ALG1: variants seen among roughly 807,000 people sequenced by gnomAD.
ALG1 encodes ALG1 chitobiosyldiphosphodolichol beta-mannosyltransferase, also known as chitobiosyldiphosphodolichol beta-mannosyltransferase.
Under a neutral mutation model 55.1 loss-of-function variants are expected in ALG1, and 58 were observed. That is an observed-to-expected ratio of 1.05 (90% CI 0.85 to 1.31). ALG1 has a LOEUF of 1.31. Among genes scored for constraint, ALG1 ranks in the 50% most tolerant of loss-of-function variants. ALG1 has a pLI of 0.00. For missense variants in ALG1, 761 were observed against 598.6 expected (o/e 1.27, Z -2.83); for synonymous variants, 309 against 247.0 (o/e 1.25, Z -2.35).
In ALG1 at chr16:5,073,152, G is replaced by T. The variant is rs1304213584; in HGVS notation, c.287-1G>T. On this transcript the variant is annotated splice_acceptor_variant, in intron 2 of 12. Coordinates refer to ENST00000262374, the MANE Select transcript of ALG1 (RefSeq NM_019109.5). LOFTEE classifies it high-confidence loss of function. ...AGTCACAGGTGTTTTCTGACTTGCA[G>T]TTGGGCCCCGAGTTTTCCAGTACGG... 1.2e-6 allele frequency: 2 copies of T among 1,614,160 alleles called. No homozygotes were observed. Among genetic ancestry groups the T allele is most frequent in the Non-Finnish European group, 1.7e-6 (2 of 1,180,016 alleles).
At chr16:5,073,405 A>G (rs1472573092) in intron 3 of ALG1, 149 bp downstream of exon 3, 3 of 708,534 alleles carry the variant, frequency 4.2e-6, no homozygotes, top group South Asian at 3.1e-5. Context: ...GTATGTGTCT[A>G]TTTATGGCAC....
In ALG1 at chr16:5,074,321, A is replaced by AT. The variant is rs544217267; in HGVS notation, c.391-1059dup. ...CCACCATGCCTGGCTAATTTTTGTA[A>AT]TTTTTTTTAGTAGAGATGGGGTTTC... On this transcript the variant is annotated intron_variant, in intron 3 of 12. Coordinates refer to ENST00000262374, the MANE Select transcript of ALG1 (RefSeq NM_019109.5). Among the ~76,000 whole-genome samples, 429 of 149,758 alleles carry AT rather than the reference A, an allele frequency of 2.9e-3. 2 individuals are homozygous for AT. Among genetic ancestry groups the AT allele is most frequent in the African/African-American group, 0.01 (410 of 40,780 alleles).
In ALG1 at chr16:5,081,073, A is replaced by C; in HGVS notation, c.1072+17A>C. 1 of 1,032,574 alleles carries C rather than the reference A, an allele frequency of 9.7e-7. No homozygotes were observed. The highest frequency in any genetic ancestry group is 1.3e-5 in the South Asian group (1 of 77,974). 64.0% of individuals were successfully genotyped at this position (1,032,574 alleles called of 1,614,324 possible). ...TGCTTCTAGGTGAGAGGCCAGCAGG[A>C]GGCTCAGGGAGGAGGCGGGGGGAAC... On this transcript the variant is annotated intron_variant, in intron 10 of 12. Transcript: ENST00000262374.
intron 1 of ALG1, 55 bp from the exon 2 acceptor site, chr16:5,072,896 T>C (rs1209840537): frequency 7.9e-6 from 12 of 1,511,214 alleles, no homozygotes; most frequent in Non-Finnish European, 1.0e-5. Context: ...TGGGAGATTA[T>C]CTGACTTTAG....
chr16:5,079,151 G>A (rs1956971274), intron 8 of ALG1, 49 bp downstream of exon 8: 2 of 1,588,988 alleles, frequency 1.3e-6, no homozygotes, highest in Non-Finnish European at 1.7e-6. Flanking sequence ...GGGGGCCACT[G>A]AGCTGTAAGC....
At position 5,073,245 on chromosome 16, in the gene ALG1, A is replaced by G. The variant is rs886295771; in HGVS notation, c.379A>G (p.Ile127Val). ...KLMWREPGAY[I>V]FLQNPPGLPS... is the part of the protein sequence containing the mutation. ...GATGTGGAGGGAGCCAGGTGCCTAT[A>G]TCTTTCTCCAGGTGTGTATCAGCCT... The change falls in exon 3 of 13, where the codon ATC (isoleucine) becomes GTC (valine). Residue 127 changes from isoleucine (I) to valine (V), a missense_variant. Coordinates refer to ENST00000262374, the MANE Select transcript of ALG1 (RefSeq NM_019109.5). The G allele has an allele frequency of 3.7e-6, 6 of 1,613,914 alleles. No individual in the cohort carries two copies. The highest frequency in any genetic ancestry group is 5.1e-6 in the Non-Finnish European group (6 of 1,179,974).
rs1216208061 is a variant in ALG1, at chr16:5,085,863, T to TC, written c.*985dup. The TC allele has an allele frequency of 1.9e-4, 145 of 750,228 alleles. No individual in the cohort carries two copies. Among genetic ancestry groups the TC allele is most frequent in the Non-Finnish European group, 2.8e-4 (117 of 413,968 alleles). The allele number at this position is 750,228 out of a possible 1,614,324, so 46.5% of individuals were successfully genotyped here. A position where few individuals can be genotyped will look rare whatever the true frequency, so the allele number is the denominator to read the frequency against. On this transcript the variant is annotated 3_prime_UTR_variant, in exon 13 of 13. Transcript: ENST00000262374. ...AAGTCAGTTTACTTGGTTCACAGGT[T>TC]CCCAGGCCCACCCAGGTGCCTAGAA...
Position 5,075,555 on chromosome 16 carries a change from G to A in ALG1, c.539+19G>A. The A allele has an allele frequency of 1.2e-6, 2 of 1,613,556 alleles. No individual in the cohort carries two copies. Among genetic ancestry groups the A allele is most frequent in the Non-Finnish European group, 1.7e-6 (2 of 1,179,996 alleles). ...CCAAGTGGTGAGAGTCTAGGAAGAGGGTAAAATACCGTCCCCTAAACCACT... is the reference window on the plus strand; with the variant it reads ...CCAAGTGGTGAGAGTCTAGGAAGAGAGTAAAATACCGTCCCCTAAACCACT... On this transcript the variant is annotated intron_variant, in intron 4 of 12. Transcript: ENST00000262374.
In ALG1 at chr16:5,077,511, C is replaced by T; in HGVS notation, c.606C>T (p.Asp202=). The change falls in exon 5 of 13, where the codon GAC becomes GAT. Residue 202 remains aspartate, a synonymous_variant. Coordinates refer to ENST00000262374, the MANE Select transcript of ALG1 (RefSeq NM_019109.5). The part of the protein sequence containing the change: ...NLCVTNAMRE[D]LADNWHIRAV... ...GTGTTACCAATGCTATGCGAGAAGA[C>T]CTGGCGGATAACTGGCACATCAGGT... 6.2e-7 allele frequency: 1 copy of T among 1,614,184 alleles called. No homozygotes were observed. Among genetic ancestry groups the T allele is most frequent in the Non-Finnish European group, 8.5e-7 (1 of 1,180,032 alleles).
Position 5,079,081 on chromosome 16 carries a change from A to C in ALG1, c.880A>C (p.Ile294Leu), listed in dbSNP as rs767003110. The C allele has an allele frequency of 4.4e-5, 71 of 1,598,534 alleles. No individual in the cohort carries two copies. The highest frequency in any genetic ancestry group is 2.2e-4 in the Middle Eastern group (1 of 4,452). The part of the protein sequence containing the change: ...TSWTEDEDFS[I>L]LLAALEKFEQ... ...TCTCATAGAGGACGAAGACTTCTCC[A>C]TCCTGCTGGCAGCTTTAGAAAGTAG... The change falls in exon 8 of 13, where the codon ATC becomes CTC. Residue 294 changes from isoleucine to leucine, a missense_variant. Coordinates refer to ENST00000262374, the MANE Select transcript of ALG1 (RefSeq NM_019109.5).
At chr16:5,083,837 C>G (rs1156257369) in intron 12 of ALG1, 80 bp downstream of exon 12, 2 of 1,591,342 alleles carry the variant, frequency 1.3e-6, no homozygotes, top group African/African-American at 2.7e-5. Context: ...TCCCTGCTTC[C>G]CACAGCCAGG....
chr16:5,082,477 G>A lies in ALG1; in HGVS notation c.1073-82G>A, dbSNP rs947027402. ...CTTATCTGATTTTCACTCTCCTTGG[G>A]GGATGCTGCCTCACTGTGCTGGGAG... On this transcript the variant is annotated intron_variant, in intron 10 of 12. Transcript: ENST00000262374. 5.2e-5 allele frequency: 75 copies of A among 1,451,602 alleles called. 1 individual carries two copies. Among genetic ancestry groups the A allele is most frequent in the South Asian group, 4.9e-4 (42 of 86,188 alleles). The allele number at this position is 1,451,602 out of a possible 1,614,324, so 89.9% of individuals were successfully genotyped here. A position where few individuals can be genotyped will look rare whatever the true frequency, so the allele number is the denominator to read the frequency against.
At chr16:5,077,308 A>G (rs1956930633) in intron 4 of ALG1, 137 bp from the exon 5 acceptor site, 6 of 768,474 alleles carry the variant, frequency 7.8e-6, no homozygotes, top group South Asian at 1.4e-5. Context: ...AAGAAAGAAC[A>G]CTGGCACAGC....
rs1238646297 is a variant in ALG1 at position 5,087,349 on chromosome 16, A to T, written c.*2468A>T. On this transcript the variant is annotated 3_prime_UTR_variant, in exon 13 of 13. Transcript: ENST00000262374. ...CTATAGGTATACTTATGTGAAAATGATTATTGTGATAAATTTTGTTTTGAG... is the reference window on the plus strand; with the variant it reads ...CTATAGGTATACTTATGTGAAAATGTTTATTGTGATAAATTTTGTTTTGAG... 3 of 152,218 alleles carry T rather than the reference A, an allele frequency of 2.0e-5. No homozygotes were observed. In the South Asian group the frequency reaches 6.2e-4, roughly 32 times the overall value. 9.4% of individuals were successfully genotyped at this position (152,218 alleles called of 1,614,324 possible). A position where few individuals can be genotyped will look rare whatever the true frequency, so the allele number is the denominator to read the frequency against.
chr16:5,079,542 A>T (rs1304792972), intron 8 of ALG1, among the ~76,000 whole-genome samples: 3 of 152,216 alleles, frequency 2.0e-5, no homozygotes, highest in African/African-American at 7.2e-5. Flanking sequence ...TACAAAAATT[A>T]GCTAGGTATG....
rs1957147625 is a variant in ALG1 at position 5,085,918 on chromosome 16, G to T, written c.*1037G>T. 6.6e-6 allele frequency among the ~76,000 whole-genome samples: 1 copy of T among 152,180 alleles called. No individual in the cohort carries two copies. The highest frequency in any genetic ancestry group is 2.4e-5 in the African/African-American group (1 of 41,442). On this transcript the variant is annotated 3_prime_UTR_variant, in exon 13 of 13. Coordinates refer to ENST00000262374, the MANE Select transcript of ALG1 (RefSeq NM_019109.5). ...CCTCCAGGATGGGACCAGAAAGCTGGTTTTGCATAGAAATGGCTAGCAGCA... is the reference window on the plus strand; with the variant it reads ...CCTCCAGGATGGGACCAGAAAGCTGTTTTTGCATAGAAATGGCTAGCAGCA...
intron 4 of ALG1, among the ~76,000 whole-genome samples, chr16:5,076,132 C>T (rs994338175): frequency 1.8e-4 from 27 of 152,182 alleles, no homozygotes; most frequent in African/African-American, 5.1e-4. Context: ...GGACGTGGAG[C>T]TGGGAAGGTC....
intron 10 of ALG1, among the ~76,000 whole-genome samples, chr16:5,081,371 T>C (rs1442058723): frequency 1.3e-5 from 2 of 152,226 alleles, no homozygotes; most frequent in Non-Finnish European, 2.9e-5. Context: ...GCAGTGGCTT[T>C]GGGAGGTACG....
chr16:5,076,134 G>C (rs1365030718), intron 4 of ALG1, among the ~76,000 whole-genome samples: 1 of 152,206 alleles, frequency 6.6e-6, no homozygotes, highest in Non-Finnish European at 1.5e-5. Flanking sequence ...ACGTGGAGCT[G>C]GGAAGGTCAT....
Sources: allele counts gnomAD v4.1 joint callset (sites outside exome capture counted in the v4.1 genomes callset), GRCh38; gene constraint gnomAD v4.1.1; transcripts MANE v1.5; gene names NCBI Gene and HGNC (gene_info 2026-07-23, HGNC 2026-07-21).